The following DMXL1 variants were observed in gnomAD, a reference collection of about 807,000 sequenced individuals.
The protein encoded by DMXL1 is dmX-like protein 1.
DMXL1 carries 99 observed loss-of-function variants against 319.2 expected under a neutral mutation model. The ratio of observed to expected loss-of-function variants is 0.31; its 90% CI spans 0.26 to 0.37. The LOEUF (loss-of-function observed/expected upper bound fraction) is 0.37. Ranked by LOEUF, DMXL1 falls within the 10% of genes least tolerant of loss-of-function variation. The probability of loss-of-function intolerance (pLI) is 1.00; values close to 1 mark genes in which losing one functional copy is unlikely to be tolerated. For missense variants in DMXL1, 3,745 were observed against 3,595.6 expected (o/e 1.04, Z -1.06); for synonymous variants, 1,385 against 1,235.2 (o/e 1.12, Z -2.54).
At chr5:119,121,571 C>T (rs1215781123) in intron 9 of DMXL1, among the ~76,000 whole-genome samples, 2 of 152,134 alleles carry the variant, frequency 1.3e-5, no homozygotes, top group African/African-American at 4.8e-5. Context: ...GGACACAGCA[C>T]ATGTTTCAGA....
At chr5:119,156,814 C>T (rs549092288) in intron 19 of DMXL1, among the ~76,000 whole-genome samples, 298 of 152,166 alleles carry the variant, frequency 2.0e-3, no homozygotes, top group African/African-American at 6.8e-3. Context: ...CTCCCCTTTT[C>T]GCCACTTCTT....
In DMXL1 at chr5:119,101,953, A is replaced by C; in HGVS notation, c.232A>C (p.Asn78His). ...TTAAAAGATTGCAGCGTCTTATGGAAATGTTATCTCCATTTTTGAACCAGT... is the reference window on the plus strand; with the variant it reads ...TTAAAAGATTGCAGCGTCTTATGGACATGTTATCTCCATTTTTGAACCAGT... Reference protein sequence around the residue: ...QQGKIAASYGNVISIFEPVNL... With the variant: ...QQGKIAASYGHVISIFEPVNL... The change falls in exon 3 of 44, where the codon AAT becomes CAT. Residue 78 changes from asparagine (N) to histidine (H), a missense_variant. By Grantham distance (68) the Asn-to-His change is moderately conservative (BLOSUM62 1). Coordinates refer to ENST00000539542, the MANE Select transcript of DMXL1 (RefSeq NM_001290321.3). 6.2e-7 allele frequency: 1 copy of C among 1,604,762 alleles called. No individual in the cohort carries two copies. Among genetic ancestry groups the C allele is most frequent in the Non-Finnish European group, 8.5e-7 (1 of 1,175,558 alleles).
intron 4 of DMXL1, among the ~76,000 whole-genome samples, chr5:119,108,175 C>G (rs1032189645): frequency 2.0e-5 from 3 of 152,032 alleles, no homozygotes; most frequent in African/African-American, 7.2e-5. Context: ...CCAGCCTGGG[C>G]AACATAGCAA....
At chr5:119,202,269 C>T (rs961609249) in intron 32 of DMXL1, among the ~76,000 whole-genome samples, 3 of 152,120 alleles carry the variant, frequency 2.0e-5, no homozygotes, top group Non-Finnish European at 4.4e-5. Context: ...TAAAGCATAC[C>T]TACTTTTGTT....
chr5:119,101,384 G>T lies in DMXL1; in HGVS notation c.214-551G>T, dbSNP rs138977375. 8.8e-3 allele frequency among the ~76,000 whole-genome samples: 1,331 copies of T among 151,796 alleles called. 16 individuals carry two copies. Among genetic ancestry groups the T allele is most frequent in the African/African-American group, 0.03 (1,258 of 41,340 alleles). On this transcript the variant is annotated intron_variant, in intron 2 of 43. Coordinates refer to ENST00000539542, the MANE Select transcript of DMXL1 (RefSeq NM_001290321.3). ...CAATATTTTGATGTTCTTTATATGAGACTCACTCAAGTTATAGTAGTAGTT... is the reference window on the plus strand; with the variant it reads ...CAATATTTTGATGTTCTTTATATGATACTCACTCAAGTTATAGTAGTAGTT...
In DMXL1 at chr5:119,238,471, A is replaced by C. The variant is rs1322376135; in HGVS notation, c.8560-518A>C. Among the ~76,000 whole-genome samples, 5 of 152,170 alleles carry C rather than the reference A, an allele frequency of 3.3e-5. No homozygotes were observed. The East Asian group carries it at 9.6e-4, about 29-fold the overall frequency. On this transcript the variant is annotated intron_variant, in intron 40 of 43. Transcript: ENST00000539542. ...TTTTCTAATTTTGATGACTATTAGT[A>C]ATTTTTTTCATGTACTTGAATTTTT...
chr5:119,073,292 G>C (rs988199692), intron 1 of DMXL1, among the ~76,000 whole-genome samples: 1 of 152,068 alleles, frequency 6.6e-6, no homozygotes, highest in Non-Finnish European at 1.5e-5. Context: ...GACTTCCTGG[G>C]CTCAAGTGAT....
intron 34 of DMXL1, among the ~76,000 whole-genome samples, chr5:119,214,910 C>T (rs979701411): frequency 2.0e-5 from 3 of 152,182 alleles, no homozygotes; most frequent in Non-Finnish European, 2.9e-5. Flanking sequence ...GCAAGTGGCA[C>T]ATCCCTCTAT....
At chr5:119,148,418 A>C (rs1769049337) in intron 17 of DMXL1, among the ~76,000 whole-genome samples, 1 of 152,306 alleles carries the variant, frequency 6.6e-6, no homozygotes, top group South Asian at 2.1e-4. Context: ...TGTTTGATTT[A>C]GGCCCAAGAT....
chr5:119,183,053 C>T (rs1777055334), intron 28 of DMXL1, among the ~76,000 whole-genome samples: 1 of 152,042 alleles, frequency 6.6e-6, no homozygotes, highest in African/African-American at 2.4e-5. Context: ...TTTTTTATGT[C>T]TCCAAGTTGA....
intron 13 of DMXL1, among the ~76,000 whole-genome samples, chr5:119,139,630 T>C (rs534361727): frequency 6.6e-6 from 1 of 152,318 alleles, no homozygotes; most frequent in Non-Finnish European, 1.5e-5. Flanking sequence ...ATAAAACAAC[T>C]TCTTAGAAAC....
At chr5:119,132,857 G>A (rs1185127312) in intron 10 of DMXL1, 2 of 563,820 alleles carry the variant, frequency 3.5e-6, no homozygotes, top group African/African-American at 1.9e-5. Flanking sequence ...CCTTTCATCT[G>A]TGCAAGGGCA....
At chr5:119,193,023 T>G (rs917872813) in intron 29 of DMXL1, among the ~76,000 whole-genome samples, 1 of 152,190 alleles carries the variant, frequency 6.6e-6, no homozygotes, top group Non-Finnish European at 1.5e-5. Context: ...TGTCTCTAGC[T>G]TCATTACTAA....
At position 119,216,780 on chromosome 5, in the gene DMXL1, A is replaced by T; in HGVS notation, c.7927-121A>T. 1.2e-5 allele frequency: 8 copies of T among 643,376 alleles called. No individual in the cohort carries two copies. In the Admixed American group the frequency reaches 2.4e-4, roughly 19 times the overall value. 39.9% of individuals were successfully genotyped at this position (643,376 alleles called of 1,614,324 possible). A position where few individuals can be genotyped will look rare whatever the true frequency, so the allele number is the denominator to read the frequency against. Reference sequence around the variant, plus strand: ...AATTAGCATATACAATAATACCTTTAGAATTGAAATATCTACTTTCTTAAA... The same window carrying T: ...AATTAGCATATACAATAATACCTTTTGAATTGAAATATCTACTTTCTTAAA... On this transcript the variant is annotated intron_variant, in intron 34 of 43. Transcript: ENST00000539542.
chr5:119,170,848 A>T lies in DMXL1; in HGVS notation c.6057A>T (p.Pro2019=). The T allele has an allele frequency of 6.2e-7, 1 of 1,612,546 alleles. No individual in the cohort carries two copies. The highest frequency in any genetic ancestry group is 1.1e-5 in the South Asian group (1 of 90,942). The change falls in exon 24 of 44, where the codon CCA becomes CCT. Residue 2019 remains proline, a synonymous_variant. Coordinates refer to ENST00000539542, the MANE Select transcript of DMXL1 (RefSeq NM_001290321.3). The stretch of plus-strand genomic sequence containing the variant: ...TAGATGAAAATGACCTTTTAAATCC[A>T]TCAGAAGATATAATTGCAGTTCAGT... ...STLDENDLLN[P]SEDIIAVQLK...
chr5:119,157,800 G>T (rs142525954), intron 19 of DMXL1, among the ~76,000 whole-genome samples: 2 of 151,788 alleles, frequency 1.3e-5, no homozygotes, highest in African/African-American at 4.8e-5. Context: ...TTGAGTATTT[G>T]GTGTTTCTTG....
At chr5:119,217,677 A>T (rs557582668) in intron 35 of DMXL1, among the ~76,000 whole-genome samples, 1 of 152,304 alleles carries the variant, frequency 6.6e-6, no homozygotes, top group South Asian at 2.1e-4. Flanking sequence ...TATTGTATAC[A>T]TATATATAAG....
chr5:119,214,647 T>C (rs935784626), intron 34 of DMXL1, among the ~76,000 whole-genome samples: 12 of 152,168 alleles, frequency 7.9e-5, no homozygotes, highest in African/African-American at 2.9e-4. Context: ...TCTGATTATG[T>C]ATCTGACATG....
chr5:119,124,154 CA>C (rs57762691), intron 9 of DMXL1, among the ~76,000 whole-genome samples: 42 of 142,282 alleles, frequency 3.0e-4, no homozygotes, highest in Non-Finnish European at 3.1e-4. Flanking sequence ...ACCAAAAATA[CA>C]AAAAAAAAAA....
Sources: allele counts gnomAD v4.1 joint callset (sites outside exome capture counted in the v4.1 genomes callset), GRCh38; gene constraint gnomAD v4.1.1; transcripts MANE v1.5; gene names NCBI Gene and HGNC (gene_info 2026-07-23, HGNC 2026-07-21).